WNT9B: variants seen among roughly 807,000 people sequenced by gnomAD.
The protein encoded by WNT9B is protein Wnt-9b.
Under a neutral mutation model 30.2 loss-of-function variants are expected in WNT9B, and 12 were observed. The observed-to-expected ratio is 0.40, with a 90% confidence interval of 0.26 to 0.64. The LOEUF is 0.64. Ranked by LOEUF, WNT9B falls within the 30% of genes least tolerant of loss-of-function variation. The pLI, the probability that WNT9B is intolerant of heterozygous loss-of-function variation, is 0.42. For synonymous variants in WNT9B, 218 were observed against 216.9 expected (o/e 1.01, Z -0.05); for missense variants, 442 against 485.2 (o/e 0.91, Z 0.84).
In WNT9B at chr17:46,851,794, C is replaced by A; in HGVS notation, c.77+79C>A. 1.3e-6 allele frequency: 1 copy of A among 748,460 alleles called. No individual in the cohort carries two copies. The highest frequency in any genetic ancestry group is 1.8e-6 in the Non-Finnish European group (1 of 541,356). 46.4% of individuals were successfully genotyped at this position (748,460 alleles called of 1,614,324 possible). The stretch of plus-strand genomic sequence containing the variant: ...CTGCGCTACAGCTGGGCCAATTTTT[C>A]CCTCCCGCTGTCCTTGGCCCCGCCG... On this transcript the variant is annotated intron_variant, in intron 1 of 3. Coordinates refer to ENST00000290015, the MANE Select transcript of WNT9B (RefSeq NM_003396.3). This position sits in a 1 kb window ranked among gnomAD's most constrained non-coding sequence, Gnocchi z 4.3.
intron 1 of WNT9B, among the ~76,000 whole-genome samples, chr17:46,861,944 A>C (rs960440285): frequency 6.6e-6 from 1 of 152,146 alleles, no homozygotes; most frequent in African/African-American, 2.4e-5. Context: ...CAGGTGGATC[A>C]CCTGAGGTCA....
At chr17:46,842,231 G>A (rs1227938586) in intron 1 of WNT9B, among the ~76,000 whole-genome samples, 1 of 152,232 alleles carries the variant, frequency 6.6e-6, no homozygotes, top group African/African-American at 2.4e-5. Flanking sequence ...ACTGGGTTGT[G>A]TGAGGAAGAG....
exon 5 of WNT9B, chr17:46,885,876 C>G (rs185941152): frequency 2.4e-4 from 36 of 152,522 alleles, no homozygotes; most frequent in Admixed American, 7.9e-4. Context: ...CCCTGGCTTC[C>G]CCTTCCCAAC....
In WNT9B at chr17:46,876,271, G is replaced by C. The variant is rs62071993; in HGVS notation, c.627G>C (p.Thr209=). The part of the protein sequence containing the change: ...IKAVKSGLRT[T]CKCHGVSGSC... ...CTGTGAAGAGTGGCCTCAGGACCAC[G>C]TGTAAGTGCCATGGCGTATCAGGCT... is the stretch of plus-strand genomic sequence containing the variant. The change falls in exon 4 of 4, where the codon ACG becomes ACC. Residue 209 remains threonine, a synonymous_variant. Coordinates refer to ENST00000290015, the MANE Select transcript of WNT9B (RefSeq NM_003396.3). 6.2e-7 allele frequency: 1 copy of C among 1,612,876 alleles called. No homozygotes were observed. Among genetic ancestry groups the C allele is most frequent in the Admixed American group, 1.7e-5 (1 of 59,992 alleles).
chr17:46,857,806 T>C (rs1357371701), intron 1 of WNT9B, among the ~76,000 whole-genome samples: 1 of 152,258 alleles, frequency 6.6e-6, no homozygotes, highest in Non-Finnish European at 1.5e-5. Flanking sequence ...TAATTTGTAT[T>C]TCCCCATTGA....
At position 46,876,470 on chromosome 17, in the gene WNT9B, C is replaced by T; in HGVS notation, c.826C>T (p.Pro276Ser). 1 of 1,613,670 alleles carries T rather than the reference C, an allele frequency of 6.2e-7. No individual in the cohort carries two copies. The highest frequency in any genetic ancestry group is 8.5e-7 in the Non-Finnish European group (1 of 1,180,026). Residue 276 changes from proline (P) to serine (S), a missense_variant, in exon 4 of 4, where the codon CCA (proline) becomes TCA (serine). Physicochemically the swap from Pro to Ser is moderately conservative, Grantham distance 74. Transcript: ENST00000290015. ...GGGCAGCCTCACCAAAGGCCTGGCC[C>T]CAAGGTCTGGGGACCTGGTGTACAT... Reference protein sequence around the residue: ...RQGSLTKGLAPRSGDLVYMED... With the variant: ...RQGSLTKGLASRSGDLVYMED...
chr17:46,833,719 C>T (rs775784027), intron 1 of WNT9B, among the ~76,000 whole-genome samples: 5 of 152,182 alleles, frequency 3.3e-5, no homozygotes, highest in Non-Finnish European at 2.9e-5. Flanking sequence ...CTGTTTCCCA[C>T]GTGAGTGAGC....
At chr17:46,867,564 G>A (rs1000652202) in intron 1 of WNT9B, among the ~76,000 whole-genome samples, 1 of 152,250 alleles carries the variant, frequency 6.6e-6, no homozygotes, top group Non-Finnish European at 1.5e-5. Flanking sequence ...GATTACTGAA[G>A]GGTGAGGTCC....
At chr17:46,870,003 A>G (rs2085211250) in intron 1 of WNT9B, among the ~76,000 whole-genome samples, 1 of 152,210 alleles carries the variant, frequency 6.6e-6, no homozygotes, top group African/African-American at 2.4e-5. Context: ...TCTCAAAAAA[A>G]AAAATGTTAT....
intron 1 of WNT9B, among the ~76,000 whole-genome samples, chr17:46,862,670 C>T (rs561550357): frequency 3.3e-5 from 5 of 152,150 alleles, no homozygotes; most frequent in Non-Finnish European, 5.9e-5. Flanking sequence ...ACAACCTCTG[C>T]CTCCCAGGTT....
At chr17:46,852,326 C>T (rs972439962) in intron 1 of WNT9B, among the ~76,000 whole-genome samples, 1 of 151,774 alleles carries the variant, frequency 6.6e-6, no homozygotes, top group Admixed American at 6.6e-5. Context: ...GGAAATGCGA[C>T]CACATCTCAG....
At chr17:46,871,645 G>T (rs2085245932) in intron 1 of WNT9B, among the ~76,000 whole-genome samples, 1 of 152,186 alleles carries the variant, frequency 6.6e-6, no homozygotes, top group Non-Finnish European at 1.5e-5. Flanking sequence ...AGATCACTCT[G>T]CCCAGTTTCC....
chr17:46,856,885 T>A (rs922882981), intron 1 of WNT9B, among the ~76,000 whole-genome samples: 4 of 152,198 alleles, frequency 2.6e-5, no homozygotes, highest in African/African-American at 9.7e-5. Flanking sequence ...ATTTCTACCA[T>A]CCTAAAGGAT....
In WNT9B at chr17:46,880,500, G is replaced by A. The variant is rs1251616293; in HGVS notation, c.*3782G>A. Among the ~76,000 whole-genome samples the A allele has an allele frequency of 3.9e-5, 6 of 152,224 alleles. No homozygotes were observed. The highest frequency in any genetic ancestry group is 1.4e-4 in the African/African-American group (6 of 41,452). On this transcript the variant is annotated 3_prime_UTR_variant, in exon 4 of 4. Transcript: ENST00000290015. The stretch of plus-strand genomic sequence containing the variant: ...CAGGACCAAGTCTCTGCCTCATGGG[G>A]CTGACATCCTAGTGGGTGAGAAAGA...
In WNT9B at chr17:46,879,706, C is replaced by T. The variant is rs1170864599; in HGVS notation, c.*2988C>T. Among the ~76,000 whole-genome samples the T allele has an allele frequency of 2.0e-5, 3 of 152,224 alleles. No individual in the cohort carries two copies. Among genetic ancestry groups the T allele is most frequent in the African/African-American group, 7.2e-5 (3 of 41,452 alleles). ...GAACATCTCCATAGACCAGGCACTA[C>T]GGGCTGACCTGCTCTGAGCCCAGGA... On this transcript the variant is annotated 3_prime_UTR_variant, in exon 4 of 4. Coordinates refer to ENST00000290015, the MANE Select transcript of WNT9B (RefSeq NM_003396.3).
At chr17:46,885,219 T>A (rs544275583), downstream of WNT9B, 67 of 309,476 alleles carry the variant, frequency 2.2e-4, no homozygotes, top group Middle Eastern at 1.2e-3. Context: ...TTGGTCAGGC[T>A]GGTCTCGAAC....
chr17:46,868,211 T>G (rs1047431779), intron 1 of WNT9B, among the ~76,000 whole-genome samples: 1 of 152,160 alleles, frequency 6.6e-6, no homozygotes, highest in Admixed American at 6.5e-5. Context: ...AAACAACCCT[T>G]CCTCTGCCCT....
intron 1 of WNT9B, among the ~76,000 whole-genome samples, chr17:46,870,237 C>T (rs944977920): frequency 1.3e-5 from 2 of 152,166 alleles, no homozygotes; most frequent in Non-Finnish European, 1.5e-5. Context: ...GCCACTCACA[C>T]CAGCCCTCGG....
intron 1 of WNT9B, among the ~76,000 whole-genome samples, chr17:46,866,321 G>A (rs1027736858): frequency 5.3e-5 from 8 of 152,148 alleles, no homozygotes; most frequent in African/African-American, 1.4e-4. Context: ...GGTTGGGAGC[G>A]GAGAGCACAG....
Sources: gnomAD v4.1 joint callset for allele counts (sites outside exome capture counted in the v4.1 genomes callset) on GRCh38, gnomAD v4.1.1 for gene constraint, Gnocchi (gnomAD v3.1) non-coding constraint, MANE v1.5 for transcripts, NCBI Gene and HGNC (gene_info 2026-07-23, HGNC 2026-07-21) for gene names.